Variants in EDA observed in about 807,000 individuals in gnomAD.
EDA encodes the protein ectodysplasin A, also known as ectodysplasin-A.
Under a neutral mutation model 23.6 loss-of-function variants are expected in EDA, and 2 were observed. That is an observed-to-expected ratio of 0.08 (90% CI 0.03 to 0.27). The LOEUF (loss-of-function observed/expected upper bound fraction) is 0.27. Ranked by LOEUF, EDA falls within the 10% of genes least tolerant of loss-of-function variation. EDA has a pLI of 1.00. For synonymous variants in EDA, 131 were observed against 132.0 expected, an observed-to-expected ratio of 0.99 and a Z score of 0.05; for missense variants, 229 against 324.2, an observed-to-expected ratio of 0.71 and a Z score of 2.26.
chrX:69,713,222 G>A (rs1305489533), intron 1 of EDA, among the ~76,000 whole-genome samples: 1 of 111,954 alleles, frequency 8.9e-6, no homozygotes, highest in Non-Finnish European at 1.9e-5. Context: ...TTTAAAAAGA[G>A]GAAAATTGTA....
intron 1 of EDA, among the ~76,000 whole-genome samples, chrX:69,710,959 C>A (rs1449519963): frequency 1.8e-5 from 2 of 111,623 alleles, no homozygotes; most frequent in Non-Finnish European, 3.8e-5. Flanking sequence ...TTGACTTCCT[C>A]TTTTCCTAAT....
rs1248241534 is a variant in EDA, at chrX:70,039,454, T to C, written c.*3845T>C. On this transcript the variant is annotated 3_prime_UTR_variant, in exon 8 of 8. Transcript: ENST00000374552. ...TTTATTCTTTGCAAATAAAACGCTT[T>C]CCCCGTCTGTTCTTGAAATCGGCGT... 1 of 112,126 alleles carries C rather than the reference T, an allele frequency of 8.9e-6. No homozygotes were observed. The highest frequency in any genetic ancestry group is 1.9e-5 in the Non-Finnish European group (1 of 53,204). 9.2% of individuals were successfully genotyped at this position (112,126 alleles called of 1,213,427 possible).
intron 3 of EDA, among the ~76,000 whole-genome samples, chrX:70,026,265 T>C (rs1358342067): frequency 8.9e-6 from 1 of 111,973 alleles, no homozygotes; most frequent in Non-Finnish European, 1.9e-5. Flanking sequence ...TGAGTGGAGC[T>C]GCACAGAGCA....
intron 1 of EDA, among the ~76,000 whole-genome samples, chrX:69,951,548 C>G (rs2018927315): frequency 9.0e-6 from 1 of 111,358 alleles, no homozygotes; most frequent in African/African-American, 3.3e-5. Context: ...ATGTGTGATC[C>G]CTTCCCTAAA....
intron 2 of EDA, among the ~76,000 whole-genome samples, chrX:70,015,700 C>T (rs148441300): frequency 0.012 from 1,287 of 111,778 alleles, 22 homozygotes; most frequent in African/African-American, 0.04. Context: ...ACCACCAGAC[C>T]TTACAAGAGG....
intron 1 of EDA, among the ~76,000 whole-genome samples, chrX:69,737,608 A>C (rs2013310190): frequency 8.9e-6 from 1 of 112,408 alleles, no homozygotes; most frequent in South Asian, 3.6e-4. Flanking sequence ...ATAGTTATTT[A>C]TCTTTTAAGA....
At chrX:69,966,334 C>G (rs1432140612) in intron 2 of EDA, among the ~76,000 whole-genome samples, 1 of 111,451 alleles carries the variant, frequency 9.0e-6, no homozygotes, top group African/African-American at 3.3e-5. Context: ...AATCCCAACA[C>G]TTTGGGAGGC....
chrX:69,825,603 G>T (rs1416684128), intron 1 of EDA, among the ~76,000 whole-genome samples: 1 of 112,760 alleles, frequency 8.9e-6, no homozygotes, highest in Non-Finnish European at 1.9e-5. Context: ...CTCTTTATTA[G>T]TCTTGCTAGT....
chrX:70,027,798 G>A (rs1271513046), intron 3 of EDA, 59 bp from the exon 4 acceptor site: 2 of 550,028 alleles, frequency 3.6e-6, no homozygotes, highest in Non-Finnish European at 6.3e-6. Flanking sequence ...ACTCCAGCCT[G>A]GGCAACAGAG....
intron 2 of EDA, among the ~76,000 whole-genome samples, chrX:69,968,767 C>A (rs965386623): frequency 1.8e-5 from 2 of 112,228 alleles, no homozygotes; most frequent in Non-Finnish European, 3.8e-5. Flanking sequence ...TGCAAGGCAG[C>A]AAAATACATT....
intron 1 of EDA, among the ~76,000 whole-genome samples, chrX:69,660,613 T>C (rs1007215380): frequency 9.1e-6 from 1 of 110,457 alleles, no homozygotes; most frequent in African/African-American, 3.3e-5. Flanking sequence ...GTCATTGCGA[T>C]AGTTTGCTGA....
chrX:69,885,081 G>A (rs2017807751), intron 1 of EDA, among the ~76,000 whole-genome samples: 2 of 112,169 alleles, frequency 1.8e-5, no homozygotes, highest in African/African-American at 6.5e-5. Flanking sequence ...ATGATGTTAA[G>A]CATCTTTTCA....
intron 1 of EDA, among the ~76,000 whole-genome samples, chrX:69,902,763 T>C (rs780937791): frequency 1.2e-4 from 13 of 111,628 alleles, no homozygotes; most frequent in South Asian, 3.8e-4. Flanking sequence ...TAAGTTCCCA[T>C]TGCAGGATCT....
chrX:69,677,545 G>A (rs370075957), intron 1 of EDA, among the ~76,000 whole-genome samples: 86 of 105,406 alleles, frequency 8.2e-4, no homozygotes, highest in South Asian at 1.2e-3. Context: ...ATGGTATCTC[G>A]TTGTGGTTTT....
chrX:69,744,999 C>T (rs1180784249), intron 1 of EDA, among the ~76,000 whole-genome samples: 17 of 111,306 alleles, frequency 1.5e-4, no homozygotes, highest in East Asian at 2.8e-4. Context: ...TTTTCCTCTT[C>T]GCTTTGGACT....
intron 1 of EDA, among the ~76,000 whole-genome samples, chrX:69,729,689 G>A (rs1000916163): frequency 9.9e-5 from 11 of 111,518 alleles, no homozygotes; most frequent in African/African-American, 1.3e-4. Context: ...TATGTTCTAC[G>A]CAAAGCTACC....
chrX:69,680,164 G>C (rs1308506323), intron 1 of EDA, among the ~76,000 whole-genome samples: 3 of 104,501 alleles, frequency 2.9e-5, no homozygotes, highest in Non-Finnish European at 5.8e-5. Flanking sequence ...GTTCTAGTTT[G>C]ATTGCACTGT....
chrX:69,651,499 T>TG (rs1933103691), intron 1 of EDA, among the ~76,000 whole-genome samples: 1 of 94,777 alleles, frequency 1.1e-5, no homozygotes, highest in African/African-American at 3.9e-5. Flanking sequence ...GGGGGAAATT[T>TG]GGGGGGGTCA....
At chrX:69,640,706 AGCAGATATTTAG>A (rs1291450878) in intron 1 of EDA, among the ~76,000 whole-genome samples, 2 of 110,752 alleles carry the variant, frequency 1.8e-5, no homozygotes, top group African/African-American at 3.3e-5. Flanking sequence ...GGGTAAGGAG[AGCAGATATTTAG>A]GCATTTGGTA....
Sources: gnomAD v4.1 joint callset for allele counts (sites outside exome capture counted in the v4.1 genomes callset) on GRCh38, gnomAD v4.1.1 for gene constraint, MANE v1.5 for transcripts, NCBI Gene and HGNC (gene_info 2026-07-23, HGNC 2026-07-21) for gene names.